Variants in SLC8A1 observed in about 807,000 individuals in gnomAD.
SLC8A1 encodes the protein solute carrier family 8 member A1.
Under a neutral mutation model 68.3 loss-of-function variants are expected in SLC8A1, and 18 were observed. The ratio of observed to expected loss-of-function variants is 0.26; its 90% CI spans 0.18 to 0.39. The LOEUF is 0.39. Among genes scored for constraint, SLC8A1 ranks in the 10% least tolerant of loss-of-function variants. The pLI is 1.00. For synonymous variants in SLC8A1, 475 were observed against 415.5 expected (o/e 1.14, Z -1.74); for missense variants, 985 against 1,156.7 (o/e 0.85, Z 2.15).
In SLC8A1 at chr2:40,253,075, T is replaced by C. The variant is rs565490473; in HGVS notation, c.1809-75220A>G. On this transcript the variant is annotated intron_variant, in intron 2 of 7. Transcript: ENST00000406785. ...TATATGTACATGTATATACTATATATGTGTATAAATGTATATAGTATATAT... is the reference window on the plus strand; with the variant it reads ...TATATGTACATGTATATACTATATACGTGTATAAATGTATATAGTATATAT... Among the ~76,000 whole-genome samples, 119 of 120,662 alleles carry C rather than the reference T, an allele frequency of 9.9e-4. 1 individual carries two copies. The highest frequency in any genetic ancestry group is 3.2e-3 in the African/African-American group (109 of 33,814). 79.2% of individuals were successfully genotyped at this position (120,662 alleles called of 152,430 possible).
chr2:40,160,927 C>A (rs781459649), intron 5 of SLC8A1, 63 bp from the exon 9 acceptor site: 185 of 1,230,646 alleles, frequency 1.5e-4, no homozygotes, highest in Non-Finnish European at 2.0e-4. Flanking sequence ...AAATCCAAGA[C>A]CTTGTTGATT....
chr2:40,435,530 G>A (rs972732524), intron 1 of SLC8A1, among the ~76,000 whole-genome samples: 2 of 152,140 alleles, frequency 1.3e-5, no homozygotes, highest in African/African-American at 4.8e-5. Flanking sequence ...GATGGGCTAT[G>A]AGCGGTCACA....
chr2:40,420,705 A>G (rs1162404919), intron 2 of SLC8A1, among the ~76,000 whole-genome samples: 3 of 152,158 alleles, frequency 2.0e-5, no homozygotes, highest in Non-Finnish European at 4.4e-5. Flanking sequence ...AATCCCAGAA[A>G]AGATAAATGA....
At chr2:40,320,794 A>G (rs544938093) in intron 2 of SLC8A1, among the ~76,000 whole-genome samples, 3 of 152,136 alleles carry the variant, frequency 2.0e-5, no homozygotes, top group African/African-American at 4.8e-5. Flanking sequence ...ACAATTTATG[A>G]ACTCTTTAAT....
chr2:40,466,719 A>C (rs1309501438), intron 1 of SLC8A1, among the ~76,000 whole-genome samples: 1 of 152,132 alleles, frequency 6.6e-6, no homozygotes, highest in Non-Finnish European at 1.5e-5. Flanking sequence ...ATATTATAAT[A>C]CCTAATAATT....
chr2:40,384,594 T>C (rs1042654574), intron 2 of SLC8A1, among the ~76,000 whole-genome samples: 1 of 152,164 alleles, frequency 6.6e-6, no homozygotes, highest in African/African-American at 2.4e-5. Flanking sequence ...CACCTATTGG[T>C]TTCTACTATG....
At position 40,425,530 on chromosome 2, in the gene SLC8A1, A is replaced by T. The variant is rs772418652; in HGVS notation, c.1808+2943T>A. On this transcript the variant is annotated intron_variant, in intron 2 of 7. Transcript: ENST00000406785. ...TCTTTATGGTGCTCTGGAAAGAATA[A>T]TAAAGTCTGGCTTTGTGCACAACAT... Among the ~76,000 whole-genome samples the T allele has an allele frequency of 5.9e-5, 9 of 151,890 alleles. No homozygotes were observed. The South Asian group carries it at 1.7e-3, about 28-fold the overall frequency.
intron 2 of SLC8A1, among the ~76,000 whole-genome samples, chr2:40,236,017 C>G (rs2060315876): frequency 6.6e-6 from 1 of 151,688 alleles, no homozygotes; most frequent in Non-Finnish European, 1.5e-5. Context: ...GCTTTACTTC[C>G]AAGTATGTGG....
intron 2 of SLC8A1, among the ~76,000 whole-genome samples, chr2:40,258,265 G>A (rs1054277645): frequency 6.6e-6 from 1 of 152,184 alleles, no homozygotes; most frequent in African/African-American, 2.4e-5. Context: ...CATTAAGTGA[G>A]CATGTCTCTG....
At chr2:40,184,898 CAAAAAAAAAA>C (rs66662572) in intron 2 of SLC8A1, among the ~76,000 whole-genome samples, 2 of 106,528 alleles carry the variant, frequency 1.9e-5, no homozygotes, top group African/African-American at 3.6e-5. Context: ...TAACCAAAAA[CAAAAAAAAAA>C]AAAAAAAAAA....
intron 2 of SLC8A1, among the ~76,000 whole-genome samples, chr2:40,340,400 A>C (rs1390632303): frequency 6.6e-6 from 1 of 152,092 alleles, no homozygotes; most frequent in Non-Finnish European, 1.5e-5. Context: ...ATCCCTACTA[A>C]AAATACAAAA....
chr2:40,261,699 G>T lies in SLC8A1; in HGVS notation c.1809-83844C>A, dbSNP rs954190867. On this transcript the variant is annotated intron_variant, in intron 2 of 7. Coordinates refer to ENST00000406785, the Ensembl canonical transcript of SLC8A1. ...CCTTTATTTGCATACAGGTGTGAATGAATTATTTAAAGAGAAAAATGTGCG... is the reference window on the plus strand; with the variant it reads ...CCTTTATTTGCATACAGGTGTGAATTAATTATTTAAAGAGAAAAATGTGCG... 4.0e-5 allele frequency among the ~76,000 whole-genome samples: 6 copies of T among 150,312 alleles called. No individual in the cohort carries two copies. In the East Asian group the frequency reaches 1.2e-3, roughly 30 times the overall value.
chr2:40,243,171 A>T (rs541773063), intron 2 of SLC8A1, among the ~76,000 whole-genome samples: 1 of 152,196 alleles, frequency 6.6e-6, no homozygotes, highest in Non-Finnish European at 1.5e-5. Context: ...TAACTGAGTT[A>T]ATTCACAACT....
chr2:40,507,685 T>C (rs1706456340), intron 1 of SLC8A1, among the ~76,000 whole-genome samples: 1 of 152,094 alleles, frequency 6.6e-6, no homozygotes, highest in Non-Finnish European at 1.5e-5. Flanking sequence ...AGGCATATTA[T>C]TTAACTTTTC....
intron 2 of SLC8A1, among the ~76,000 whole-genome samples, chr2:40,361,395 T>C (rs1674577618): frequency 6.6e-6 from 1 of 152,062 alleles, no homozygotes; most frequent in African/African-American, 2.4e-5. Context: ...TGTGGGTCTA[T>C]ATATGAACAC....
chr2:40,357,227 C>T (rs189982258), intron 2 of SLC8A1, among the ~76,000 whole-genome samples: 20 of 152,246 alleles, frequency 1.3e-4, no homozygotes, highest in Middle Eastern at 3.4e-3. Context: ...TCAGCTGGCT[C>T]GTACCTCTAA....
At chr2:40,348,025 C>G (rs769685307) in intron 2 of SLC8A1, among the ~76,000 whole-genome samples, 9 of 152,118 alleles carry the variant, frequency 5.9e-5, no homozygotes, top group Non-Finnish European at 1.2e-4. Flanking sequence ...TCCAGTGCTT[C>G]TTTATTTACT....
At chr2:40,394,707 T>C (rs1316699373) in intron 2 of SLC8A1, among the ~76,000 whole-genome samples, 3 of 152,130 alleles carry the variant, frequency 2.0e-5, no homozygotes, top group South Asian at 2.1e-4. Context: ...CCTGTTGCCA[T>C]AGTAATCACT....
intron 6 of SLC8A1, among the ~76,000 whole-genome samples, chr2:40,145,515 A>G (rs553202851): frequency 6.6e-6 from 1 of 152,306 alleles, no homozygotes; most frequent in East Asian, 1.9e-4. Context: ...GGCACTCAGT[A>G]GGCTTTCTCC....
Sources: allele counts gnomAD v4.1 joint callset (sites outside exome capture counted in the v4.1 genomes callset), GRCh38; gene constraint gnomAD v4.1.1; transcripts MANE v1.5; gene names NCBI Gene and HGNC (gene_info 2026-07-23, HGNC 2026-07-21).